Variants in ITPR3 observed in about 807,000 individuals in gnomAD.
ITPR3 encodes the protein inositol 1,4,5-trisphosphate receptor type 3.
In ITPR3, 173 loss-of-function variants were observed where a neutral mutation model predicts 293.2. The ratio of observed to expected loss-of-function variants is 0.59; its 90% CI spans 0.52 to 0.67. The LOEUF is 0.67. Ranked by LOEUF, ITPR3 falls within the 30% of genes least tolerant of loss-of-function variation. The probability of loss-of-function intolerance (pLI) is 0.00; values close to 1 mark genes in which losing one functional copy is unlikely to be tolerated. For missense variants in ITPR3, 2,796 were observed against 3,592.1 expected (o/e 0.78, Z 5.66); for synonymous variants, 1,295 against 1,444.4 (o/e 0.90, Z 2.35).
chr6:33,667,691 TG>T lies in ITPR3; in HGVS notation c.1714-98del. On this transcript the variant is annotated intron_variant, in intron 15 of 57. Coordinates refer to ENST00000605930, the MANE Select transcript of ITPR3 (RefSeq NM_002224.4). The surrounding 1 kb of genome is among the most constrained non-coding windows in gnomAD (Gnocchi z 4.4). The stretch of plus-strand genomic sequence containing the variant: ...CTGGACCTCTGCCTTTCTAGGGTAT[TG>T]GGTCCTTACCTCGGGGTTTGGGGGC... 1 of 1,312,806 alleles carries T rather than the reference TG, an allele frequency of 7.6e-7. No individual in the cohort carries two copies. Among genetic ancestry groups the T allele is most frequent in the South Asian group, 1.4e-5 (1 of 73,064 alleles). The allele number at this position is 1,312,806 out of a possible 1,614,324, so 81.3% of individuals were successfully genotyped here. A position where few individuals can be genotyped will look rare whatever the true frequency, so the allele number is the denominator to read the frequency against.
In ITPR3 at chr6:33,684,136, C is replaced by G. The variant is rs1765157981; in HGVS notation, c.4905C>G (p.Tyr1635Ter). The change falls in exon 36 of 58, where the codon TAC (tyrosine) becomes TAG (stop). Residue 1635 changes from tyrosine to a stop codon, truncating the protein, a stop_gained. Transcript: ENST00000605930. LOFTEE classifies it high-confidence loss of function. The surrounding 1 kb of genome is among the most constrained non-coding windows in gnomAD (Gnocchi z 4.2). ...ELLFLEGSEAYQRCESGGFLS... is the reference protein window; with the variant it reads ...ELLFLEGSEA ...TCTTCCTGGAGGGCAGTGAGGCCTACCAGCGCTGCGAGAGTGGGGGCTTCC... is the reference window on the plus strand; with the variant it reads ...TCTTCCTGGAGGGCAGTGAGGCCTAGCAGCGCTGCGAGAGTGGGGGCTTCC... 6.2e-7 allele frequency: 1 copy of G among 1,611,036 alleles called. No individual in the cohort carries two copies. The highest frequency in any genetic ancestry group is 1.1e-5 in the South Asian group (1 of 91,014).
chr6:33,684,289 T>G lies in ITPR3; in HGVS notation c.4938-68T>G. 1 of 1,591,092 alleles carries G rather than the reference T, an allele frequency of 6.3e-7. No individual in the cohort carries two copies. Among genetic ancestry groups the G allele is most frequent in the Non-Finnish European group, 8.6e-7 (1 of 1,160,996 alleles). On this transcript the variant is annotated intron_variant, in intron 36 of 57. Coordinates refer to ENST00000605930, the MANE Select transcript of ITPR3 (RefSeq NM_002224.4). This position sits in a 1 kb window ranked among gnomAD's most constrained non-coding sequence, Gnocchi z 4.2. ...GGCCTGGGGGTGTTCCTGCCTGGGATGGGGTGGGGAAGTAGCTGGAGGGAG... is the reference window on the plus strand; with the variant it reads ...GGCCTGGGGGTGTTCCTGCCTGGGAGGGGGTGGGGAAGTAGCTGGAGGGAG...
intron 2 of ITPR3, among the ~76,000 whole-genome samples, chr6:33,653,650 A>C (rs1227148547): frequency 1.3e-5 from 2 of 152,194 alleles, no homozygotes; most frequent in Admixed American, 6.5e-5. Context: ...CTGCTCATAG[A>C]TGTCCACCTA....
At position 33,691,471 on chromosome 6, in the gene ITPR3, A is replaced by G; in HGVS notation, c.7226-144A>G. ...CAACCCAGTCGGGGGCAGAAGCGTG[A>G]TGACCCTTCACTGTGGCTGGACAGT... On this transcript the variant is annotated intron_variant, in intron 52 of 57. Coordinates refer to ENST00000605930, the MANE Select transcript of ITPR3 (RefSeq NM_002224.4). This position sits in a 1 kb window ranked among gnomAD's most constrained non-coding sequence, Gnocchi z 4.9. The G allele has an allele frequency of 1.4e-6, 1 of 694,748 alleles. No individual in the cohort carries two copies. Among genetic ancestry groups the G allele is most frequent in the Non-Finnish European group, 2.5e-6 (1 of 405,676 alleles). The allele number at this position is 694,748 out of a possible 1,614,324, so 43.0% of individuals were successfully genotyped here.
chr6:33,627,067 C>T (rs1763564841), intron 1 of ITPR3, among the ~76,000 whole-genome samples: 1 of 152,194 alleles, frequency 6.6e-6, no homozygotes, highest in South Asian at 2.1e-4. Context: ...CTCGGCTTCC[C>T]AAAGTGCTGG....
chr6:33,666,268 G>A lies in ITPR3; in HGVS notation c.1551+292G>A, dbSNP rs1280161319. On this transcript the variant is annotated intron_variant, in intron 14 of 57. Coordinates refer to ENST00000605930, the MANE Select transcript of ITPR3 (RefSeq NM_002224.4). This position sits in a 1 kb window ranked among gnomAD's most constrained non-coding sequence, Gnocchi z 5.1. ...GGCAGCCAGGATTTGAGCTTGTGATGTTGGGTCCAGAGCTGTGCTTCAAAA... is the reference window on the plus strand; with the variant it reads ...GGCAGCCAGGATTTGAGCTTGTGATATTGGGTCCAGAGCTGTGCTTCAAAA... 6.7e-6 allele frequency among the ~76,000 whole-genome samples: 1 copy of A among 149,834 alleles called. No homozygotes were observed. The highest frequency in any genetic ancestry group is 2.1e-4 in the South Asian group (1 of 4,828).
chr6:33,690,789 C>T, intron 51 of ITPR3, 128 bp from the exon 52 acceptor site: 2 of 803,172 alleles, frequency 2.5e-6, no homozygotes, highest in East Asian at 2.6e-5. Context: ...TAAGTGCAGA[C>T]CTCCCTGGAG....
rs185070984 is a variant in ITPR3, at chr6:33,655,201, G to A, written c.161-565G>A. 2.0e-5 allele frequency among the ~76,000 whole-genome samples: 3 copies of A among 152,318 alleles called. No individual in the cohort carries two copies. Among genetic ancestry groups the A allele is most frequent in the Admixed American group, 6.5e-5 (1 of 15,302 alleles). On this transcript the variant is annotated intron_variant, in intron 2 of 57. Coordinates refer to ENST00000605930, the MANE Select transcript of ITPR3 (RefSeq NM_002224.4). This position sits in a 1 kb window ranked among gnomAD's most constrained non-coding sequence, Gnocchi z 4.9. ...GCAGGAGAAGAAGCTGAGCAAGGGTGTGGTTTCAGTGGAAGATGCGCCTCA... is the reference window on the plus strand; with the variant it reads ...GCAGGAGAAGAAGCTGAGCAAGGGTATGGTTTCAGTGGAAGATGCGCCTCA...
Position 33,680,662 on chromosome 6 carries a change from G to A in ITPR3, c.4458G>A (p.Glu1486=). 2 of 1,613,862 alleles carry A rather than the reference G, an allele frequency of 1.2e-6. No homozygotes were observed. Among genetic ancestry groups the A allele is most frequent in the Non-Finnish European group, 1.7e-6 (2 of 1,179,764 alleles). Residue 1486 remains glutamate (E), a synonymous_variant, in exon 33 of 58, where the codon GAG becomes GAA. Transcript: ENST00000605930. ...CCTTCTTCAGCTCCCCATTCTCTGA[G>A]AACAGCACTTCCCTGCAGGTGAGCT... ...INAFFSSPFS[E]NSTSLQTHQT... is the part of the protein sequence containing the mutation.
intron 2 of ITPR3, among the ~76,000 whole-genome samples, chr6:33,640,891 G>T (rs1763936400): frequency 6.6e-6 from 1 of 152,242 alleles, no homozygotes; most frequent in East Asian, 1.9e-4. Context: ...GTGGAAAAGA[G>T]AATTGTCTTA....
In ITPR3 at chr6:33,664,410, T is replaced by C. The variant is rs1764556665; in HGVS notation, c.1149-460T>C. ...AGGCCCACAGTCCCTTCCCTGAAAC[T>C]CTTGGGGGTAGATGGATTTGGTATT... On this transcript the variant is annotated intron_variant, in intron 11 of 57. Transcript: ENST00000605930. The surrounding 1 kb of genome is among the most constrained non-coding windows in gnomAD (Gnocchi z 4.4). Among the ~76,000 whole-genome samples the C allele has an allele frequency of 6.6e-6, 1 of 152,198 alleles. No homozygotes were observed. Among genetic ancestry groups the C allele is most frequent in the Non-Finnish European group, 1.5e-5 (1 of 68,032 alleles).
intron 23 of ITPR3, 64 bp downstream of exon 23, chr6:33,673,784 G>A: frequency 1.3e-6 from 2 of 1,579,664 alleles, no homozygotes; most frequent in African/African-American, 1.3e-5. Flanking sequence ...ACAGCAGTGG[G>A]GTGGAGCCAG....
intron 1 of ITPR3, among the ~76,000 whole-genome samples, chr6:33,636,564 G>A (rs1443611312): frequency 6.6e-6 from 1 of 151,966 alleles, no homozygotes; most frequent in Non-Finnish European, 1.5e-5. Context: ...CCAAGGATAG[G>A]TCCAAGGTTT....
In ITPR3 at chr6:33,693,556, G is replaced by A; in HGVS notation, c.7636G>A (p.Asp2546Asn). Residue 2546 changes from aspartate to asparagine, a missense_variant, in exon 56 of 58, where the codon GAC becomes AAC. Physicochemically the swap from Asp to Asn is conservative, Grantham distance 23 (BLOSUM62 1). Around this residue, in one of 8 missense-constraint regions of ITPR3, gnomAD observed 568 missense variants for 796.1 expected, o/e 0.71. Transcript: ENST00000605930. ...CTCTGCACCCTCAGGTCTGGAGAGG[G>A]ACAAGTTTGATAACAAGACAGTGTC... Reference protein sequence around the residue: ...TTCFICGLERDKFDNKTVSFE... With the variant: ...TTCFICGLERNKFDNKTVSFE... 2 of 1,614,092 alleles carry A rather than the reference G, an allele frequency of 1.2e-6. No homozygotes were observed. The highest frequency in any genetic ancestry group is 1.7e-6 in the Non-Finnish European group (2 of 1,179,988).
intron 28 of ITPR3, among the ~76,000 whole-genome samples, chr6:33,678,124 C>T (rs1365790475): frequency 6.6e-6 from 1 of 152,110 alleles, no homozygotes; most frequent in Non-Finnish European, 1.5e-5. Context: ...GTCTCATCTC[C>T]CCTTTTGACC....
At position 33,677,111 on chromosome 6, in the gene ITPR3, G is replaced by C. The variant is rs761647719; in HGVS notation, c.3522+22G>C. On this transcript the variant is annotated intron_variant, in intron 27 of 57. Coordinates refer to ENST00000605930, the MANE Select transcript of ITPR3 (RefSeq NM_002224.4). ...GGGCGTGAGTGGCCAAGGGTCCTCGGGGTAGGGATCTGCAGCCCCAGTGGT... is the reference window on the plus strand; with the variant it reads ...GGGCGTGAGTGGCCAAGGGTCCTCGCGGTAGGGATCTGCAGCCCCAGTGGT... 5.6e-6 allele frequency: 9 copies of C among 1,609,744 alleles called. No individual in the cohort carries two copies. The African/African-American group carries it at 1.1e-4, about 19-fold the overall frequency.
In ITPR3 at chr6:33,680,331, G is replaced by A; in HGVS notation, c.4227G>A (p.Val1409=). 1.2e-6 allele frequency: 2 copies of A among 1,613,144 alleles called. No homozygotes were observed. The highest frequency in any genetic ancestry group is 2.7e-5 in the African/African-American group (2 of 75,070). ...VVTHEDCITE[V]KMAYVNFVNH... ...CTGACCTCCCGCCCACTGCCCAGGT[G>A]AAAATGGCCTATGTGAACTTCGTGA... Residue 1409 remains valine, a splice_region_variant and synonymous_variant, in exon 32 of 58, where the codon GTG becomes GTA. Transcript: ENST00000605930.
intron 7 of ITPR3, among the ~76,000 whole-genome samples, chr6:33,659,800 G>A (rs1764411655): frequency 6.6e-6 from 1 of 152,222 alleles, no homozygotes; most frequent in South Asian, 2.1e-4. Context: ...TTTCTCCCTT[G>A]TTTAAGGGGG....
rs17585520 is a variant in ITPR3, at chr6:33,670,225, C to G, written c.2190-100C>G. 8,272 of 1,294,590 alleles carry G rather than the reference C, an allele frequency of 6.4e-3. 45 individuals carry two copies. Among genetic ancestry groups the G allele is most frequent in the Middle Eastern group, 8.7e-3 (46 of 5,300 alleles). The allele number at this position is 1,294,590 out of a possible 1,614,324, so 80.2% of individuals were successfully genotyped here. ...CAGCTGGCGCATCTTTAACCTAATC[C>G]CTTTGCCACTTTACTGAGTCCTCAC... On this transcript the variant is annotated intron_variant, in intron 18 of 57. Transcript: ENST00000605930. The surrounding 1 kb of genome is among the most constrained non-coding windows in gnomAD (Gnocchi z 6.7).
Sources: allele counts gnomAD v4.1 joint callset (sites outside exome capture counted in the v4.1 genomes callset), GRCh38; gene constraint gnomAD v4.1.1; regional missense constraint gnomAD v4.1.1; non-coding constraint Gnocchi (gnomAD v3.1); transcripts MANE v1.5; gene names NCBI Gene and HGNC (gene_info 2026-07-23, HGNC 2026-07-21).